MGAM: variants seen among roughly 807,000 people sequenced by gnomAD.
MGAM encodes maltase-glucoamylase, also known as alpha-1,4-glucosidase.
A neutral mutation model predicts 358.8 loss-of-function variants in MGAM; 253 were observed. The observed-to-expected ratio is 0.71, with a 90% CI of 0.64 to 0.78. The LOEUF is 0.78. Ranked by LOEUF, MGAM falls within the 30% of genes least tolerant of loss-of-function variation. The probability of loss-of-function intolerance (pLI) is 0.00; values close to 1 mark genes in which losing one functional copy is unlikely to be tolerated. For synonymous variants in MGAM, 1,105 were observed against 1,227.1 expected, an observed-to-expected ratio of 0.90 and a Z score of 2.08; for missense variants, 3,080 against 3,432.6, an observed-to-expected ratio of 0.90 and a Z score of 2.57.
intron 22 of MGAM, among the ~76,000 whole-genome samples, chr7:142,048,736 G>A (rs544065663): frequency 8.2e-4 from 125 of 152,180 alleles, no homozygotes; most frequent in African/African-American, 2.9e-3. Flanking sequence ...GGAAAGAGAA[G>A]GAAAAACAAT....
intron 34 of MGAM, among the ~76,000 whole-genome samples, chr7:142,061,707 C>G (rs1042765725): frequency 3.7e-4 from 56 of 152,102 alleles, no homozygotes; most frequent in African/African-American, 1.3e-3. Flanking sequence ...TTTACTGAGA[C>G]AAACAAAGGA....
At position 142,034,397 on chromosome 7, in the gene MGAM, A is replaced by G. The variant is rs1236565909; in HGVS notation, c.1787+18A>G. 1 of 1,422,582 alleles carries G rather than the reference A, an allele frequency of 7.0e-7. No homozygotes were observed. The highest frequency in any genetic ancestry group is 9.7e-7 in the Non-Finnish European group (1 of 1,031,124). 88.1% of individuals were successfully genotyped at this position (1,422,582 alleles called of 1,614,324 possible). On this transcript the variant is annotated intron_variant, in intron 15 of 70. Transcript: ENST00000475668. ...ACAGCAGAGTAAGGCCACTATGGCT[A>G]TGACCTGCTAATTATTGAATATAAA...
At position 142,034,378 on chromosome 7, in the gene MGAM, G is replaced by T; in HGVS notation, c.1786G>T (p.Glu596Ter). The T allele has an allele frequency of 6.4e-7, 1 of 1,553,440 alleles. No individual in the cohort carries two copies. Among genetic ancestry groups the T allele is most frequent in the Admixed American group, 1.9e-5 (1 of 53,160 alleles). The change falls in exon 15 of 71, where the codon GAA becomes TAA. Residue 596 changes from glutamate (E) to a stop codon, truncating the protein, a stop_gained and splice_region_variant. Coordinates refer to ENST00000475668, the MANE Select transcript of MGAM (RefSeq NM_001365693.1). LOFTEE classifies it high-confidence loss of function. Reference protein sequence around the residue: ...YGYSMAVATAEAAKTVFPNKR... With the variant: ...YGYSMAVATA ...CTACTCCATGGCGGTCGCCACAGCA[G>T]AGTAAGGCCACTATGGCTATGACCT...
At chr7:142,009,186 A>T (rs571883993) in intron 3 of MGAM, among the ~76,000 whole-genome samples, 1 of 152,208 alleles carries the variant, frequency 6.6e-6, no homozygotes, top group East Asian at 1.9e-4. Context: ...ATAAGGGCAA[A>T]GTTTCAAGAG....
chr7:142,048,879 A>T (rs1327469839), intron 22 of MGAM, among the ~76,000 whole-genome samples: 1 of 152,178 alleles, frequency 6.6e-6, no homozygotes, highest in Non-Finnish European at 1.5e-5. Context: ...GATTTAATAT[A>T]TATATAGGCA....
chr7:142,030,619 A>G, intron 11 of MGAM, 22 bp from the exon 12 acceptor site: 3 of 1,604,556 alleles, frequency 1.9e-6, no homozygotes, highest in Non-Finnish European at 1.7e-6. Flanking sequence ...TAGTTTGTTC[A>G]TTGTATTCTT....
intron 3 of MGAM, among the ~76,000 whole-genome samples, chr7:142,012,558 A>G (rs1387206380): frequency 4.6e-5 from 7 of 152,164 alleles, no homozygotes; most frequent in African/African-American, 1.7e-4. Context: ...CTATTTTCTT[A>G]GACTTCTGTT....
intron 21 of MGAM, among the ~76,000 whole-genome samples, chr7:142,042,010 A>ACG (rs1808795340): frequency 1.7e-4 from 2 of 11,684 alleles, no homozygotes; most frequent in African/African-American, 5.5e-4. Flanking sequence ...TATATATATA[A>ACG]TATAATATAT....
chr7:142,061,512 T>C (rs1452966670), intron 34 of MGAM, among the ~76,000 whole-genome samples: 2 of 152,170 alleles, frequency 1.3e-5, no homozygotes, highest in African/African-American at 4.8e-5. Context: ...TGTTTCTGTT[T>C]TCTTATGTTC....
chr7:142,040,723 G>A lies in MGAM; in HGVS notation c.2375G>A (p.Gly792Glu), dbSNP rs538201085. The stretch of plus-strand genomic sequence containing the variant: ...GTTTGATTTATCTGCATGCATCAGG[G>A]GAGCCAAGTGAGATGGAGGAAGCAA... ...PDAVWYDYET[G>E]SQVRWRKQKV... The change falls in exon 21 of 71, where the codon GGG becomes GAG. Residue 792 changes from glycine to glutamate, a missense_variant and splice_region_variant. By Grantham distance (98) the Gly-to-Glu change is moderately conservative (BLOSUM62 -2). Coordinates refer to ENST00000475668, the MANE Select transcript of MGAM (RefSeq NM_001365693.1). The A allele has an allele frequency of 1.0e-4, 163 of 1,612,858 alleles. 2 individuals carry two copies. The South Asian group carries it at 1.7e-3, about 17-fold the overall frequency.
In MGAM at chr7:142,052,777, T is replaced by G. The variant is rs776711540; in HGVS notation, c.2959-7T>G. 6.2e-7 allele frequency: 1 copy of G among 1,613,666 alleles called. No individual in the cohort carries two copies. Among genetic ancestry groups the G allele is most frequent in the African/African-American group, 1.3e-5 (1 of 74,908 alleles). ...TGCTGATCTATGACTTTGGCCTTAC[T>G]TTTCAGGCATCCAATTCTTCTGGAG... On this transcript the variant is annotated splice_region_variant and splice_polypyrimidine_tract_variant and intron_variant, in intron 25 of 70. Transcript: ENST00000475668.
rs1375954722 is a variant in MGAM at position 142,025,068 on chromosome 7, G to A, written c.901G>A (p.Gly301Ser). 1 of 1,613,398 alleles carries A rather than the reference G, an allele frequency of 6.2e-7. No individual in the cohort carries two copies. The highest frequency in any genetic ancestry group is 8.5e-7 in the Non-Finnish European group (1 of 1,179,568). Residue 301 changes from glycine to serine, a missense_variant, in exon 8 of 71, where the codon GGT (glycine) becomes AGT (serine). This residue lies in a region of MGAM where 1,816 missense variants were observed against 1,840.5 expected (regional missense o/e 0.99). Coordinates refer to ENST00000475668, the MANE Select transcript of MGAM (RefSeq NM_001365693.1). The part of the protein sequence containing the change: ...TPNGNGTNLY[G>S]AQTFFLCLED... ...TCTGCAGAACGGAACTAATTTGTAT[G>A]GTGCGCAGACATTCTTCTTGTGCCT... is the stretch of plus-strand genomic sequence containing the variant.
intron 60 of MGAM, among the ~76,000 whole-genome samples, chr7:142,093,841 G>A (rs1301164900): frequency 6.9e-6 from 1 of 145,766 alleles, no homozygotes; most frequent in Non-Finnish European, 1.6e-5. Flanking sequence ...GGCAGCCGGT[G>A]GTACAACAGC....
At chr7:142,085,990 T>G (rs778916784) in intron 55 of MGAM, 29 bp downstream of exon 55, 1 of 1,552,288 alleles carries the variant, frequency 6.4e-7, no homozygotes, top group South Asian at 1.1e-5. Flanking sequence ...GTGTGCGGTC[T>G]GTTTGGGAGC....
At chr7:142,063,200 G>T (rs1308143915) in intron 35 of MGAM, among the ~76,000 whole-genome samples, 1 of 134,876 alleles carries the variant, frequency 7.4e-6, no homozygotes, top group Non-Finnish European at 1.6e-5. Context: ...CCATCTCAAA[G>T]AATGAAAAAC....
At chr7:142,100,927 C>T (rs1816387825) in intron 68 of MGAM, 37 bp downstream of exon 68, 1 of 1,559,682 alleles carries the variant, frequency 6.4e-7, no homozygotes, top group Admixed American at 1.7e-5. Flanking sequence ...GCTGATGGCA[C>T]TGACTACATT....
Position 142,006,260 on chromosome 7 carries a change from G to C in MGAM, c.127+603G>C, listed in dbSNP as rs112358530. Among the ~76,000 whole-genome samples, 168 of 152,076 alleles carry C rather than the reference G, an allele frequency of 1.1e-3. 1 individual carries two copies. Among genetic ancestry groups the C allele is most frequent in the African/African-American group, 4.0e-3 (166 of 41,510 alleles). ...AGGAAACTAAAAGAAGTCAAAAGGA[G>C]CCAAATAGGAACCATAAGGTGGATT... On this transcript the variant is annotated intron_variant, in intron 2 of 70. Coordinates refer to ENST00000475668, the MANE Select transcript of MGAM (RefSeq NM_001365693.1).
At chr7:142,096,004 T>C (rs1350803375) in intron 64 of MGAM, 3 of 602,576 alleles carry the variant, frequency 5.0e-6, no homozygotes, top group Non-Finnish European at 2.9e-6. Context: ...TTTGGTTATA[T>C]GTAGCCAGAT....
At chr7:142,054,202 T>A (rs1811275489) in intron 26 of MGAM, among the ~76,000 whole-genome samples, 1 of 152,194 alleles carries the variant, frequency 6.6e-6, no homozygotes, top group Non-Finnish European at 1.5e-5. Context: ...ATCACCCACG[T>A]GTTGTGAGCT....
Sources: gnomAD v4.1 joint callset for allele counts (sites outside exome capture counted in the v4.1 genomes callset) on GRCh38, gnomAD v4.1.1 for gene constraint, gnomAD v4.1.1 regional missense constraint, MANE v1.5 for transcripts, NCBI Gene and HGNC (gene_info 2026-07-23, HGNC 2026-07-21) for gene names.